The following TMEM178B variants were observed in gnomAD, a reference collection of about 807,000 sequenced individuals.
TMEM178B encodes the protein transmembrane protein 178B.
Under a neutral mutation model 31.0 loss-of-function variants are expected in TMEM178B, and 5 were observed. The observed-to-expected ratio is 0.16, with a 90% CI of 0.08 to 0.34. The LOEUF is 0.34. Among genes scored for constraint, TMEM178B ranks in the 10% least tolerant of loss-of-function variants. The pLI, the probability that TMEM178B is intolerant of heterozygous loss-of-function variation, is 1.00. For synonymous variants in TMEM178B, 164 were observed against 164.0 expected (o/e 1.00, Z 0.00); for missense variants, 275 against 400.3 (o/e 0.69, Z 2.67).
intron 1 of TMEM178B, among the ~76,000 whole-genome samples, chr7:141,163,074 T>G (rs181067061): frequency 5.4e-4 from 83 of 152,344 alleles, no homozygotes; most frequent in South Asian, 1.9e-3. Flanking sequence ...CTCCAGTGTC[T>G]TCAGGGTGCA....
intron 1 of TMEM178B, among the ~76,000 whole-genome samples, chr7:141,148,595 G>T (rs1310091202): frequency 1.3e-5 from 2 of 152,182 alleles, no homozygotes; most frequent in Non-Finnish European, 2.9e-5. Flanking sequence ...GACAAAGATT[G>T]AAAAATGCCT....
At chr7:141,195,845 C>T (rs1016713875) in intron 1 of TMEM178B, among the ~76,000 whole-genome samples, 7 of 152,148 alleles carry the variant, frequency 4.6e-5, no homozygotes, top group South Asian at 4.2e-4. Flanking sequence ...GCACTTCTTA[C>T]GTGGCAGCAG....
At chr7:141,085,176 T>C (rs1007855567) in intron 1 of TMEM178B, among the ~76,000 whole-genome samples, 2 of 97,552 alleles carry the variant, frequency 2.1e-5, no homozygotes, top group Admixed American at 1.2e-4. Flanking sequence ...TTTTTTTTTT[T>C]AGTAGAGATG....
intron 2 of TMEM178B, among the ~76,000 whole-genome samples, chr7:141,248,984 A>T (rs570657334): frequency 5.3e-4 from 80 of 152,276 alleles, no homozygotes; most frequent in Middle Eastern, 3.4e-3. Context: ...GGTCTCTCCT[A>T]TTGTGACTTT....
At chr7:141,349,259 G>A (rs1191113344) in intron 2 of TMEM178B, among the ~76,000 whole-genome samples, 1 of 152,068 alleles carries the variant, frequency 6.6e-6, no homozygotes, top group Non-Finnish European at 1.5e-5. Flanking sequence ...TATTGAGCTT[G>A]CTGGAATGTT....
chr7:141,491,704 G>A, the TMEM178B span, among the ~76,000 whole-genome samples: 1 of 152,192 alleles, frequency 6.6e-6, no homozygotes, highest in African/African-American at 2.4e-5. Context: ...CACATAGGAA[G>A]CGGGGGTCAT....
At chr7:141,359,593 G>A (rs971277998) in intron 2 of TMEM178B, among the ~76,000 whole-genome samples, 1 of 152,166 alleles carries the variant, frequency 6.6e-6, no homozygotes, top group Admixed American at 6.5e-5. Flanking sequence ...TTACAGGCTC[G>A]ATCAGCCATT....
At chr7:141,259,195 A>G (rs1170745055) in intron 2 of TMEM178B, among the ~76,000 whole-genome samples, 2 of 151,988 alleles carry the variant, frequency 1.3e-5, no homozygotes, top group African/African-American at 2.4e-5. Context: ...CCTATCTTCA[A>G]GTTTGCTTAT....
At chr7:141,083,096 A>G (rs1344124542) in intron 1 of TMEM178B, among the ~76,000 whole-genome samples, 1 of 152,088 alleles carries the variant, frequency 6.6e-6, no homozygotes, top group Non-Finnish European at 1.5e-5. Context: ...ATACACAGAC[A>G]CGCACACCTC....
chr7:141,498,651 G>A, the TMEM178B span, among the ~76,000 whole-genome samples: 1 of 152,232 alleles, frequency 6.6e-6, no homozygotes, highest in Non-Finnish European at 1.5e-5. Flanking sequence ...AGGTGACAAA[G>A]TCTGTTCCAC....
chr7:141,242,846 A>T (rs1428122717), intron 2 of TMEM178B, among the ~76,000 whole-genome samples: 1 of 151,780 alleles, frequency 6.6e-6, no homozygotes, highest in Non-Finnish European at 1.5e-5. Context: ...CCAGGCCCCG[A>T]TTCTTTATCT....
At chr7:141,212,993 G>A (rs1272918685) in intron 2 of TMEM178B, among the ~76,000 whole-genome samples, 8 of 152,210 alleles carry the variant, frequency 5.3e-5, no homozygotes, top group African/African-American at 1.9e-4. Context: ...AGGCATGTAA[G>A]ATTTCACCTA....
intron 1 of TMEM178B, among the ~76,000 whole-genome samples, chr7:141,089,361 A>T (rs950132420): frequency 2.0e-5 from 3 of 152,230 alleles, no homozygotes; most frequent in Admixed American, 2.0e-4. Context: ...AGGAAGAATC[A>T]TGAGCAAAGG....
At chr7:141,335,789 G>T (rs944073655) in intron 2 of TMEM178B, among the ~76,000 whole-genome samples, 1 of 152,118 alleles carries the variant, frequency 6.6e-6, no homozygotes, top group African/African-American at 2.4e-5. Flanking sequence ...GATGTTAGAG[G>T]GAAGGCTGGG....
chr7:141,447,444 GATGGGAGCAGA>G, intron 3 of TMEM178B, among the ~76,000 whole-genome samples: 1 of 152,022 alleles, frequency 6.6e-6, no homozygotes, highest in Non-Finnish European at 1.5e-5. Flanking sequence ...GGATGACCGT[GATGGGAGCAGA>G]ATGAGACAGA....
At chr7:141,109,618 C>T (rs1268063595) in intron 1 of TMEM178B, among the ~76,000 whole-genome samples, 2 of 152,120 alleles carry the variant, frequency 1.3e-5, no homozygotes, top group Non-Finnish European at 2.9e-5. Flanking sequence ...TTTCTCCTCA[C>T]CATTAACCCC....
intron 1 of TMEM178B, among the ~76,000 whole-genome samples, chr7:141,091,595 C>T (rs924045250): frequency 1.3e-5 from 2 of 152,146 alleles, no homozygotes; most frequent in Non-Finnish European, 2.9e-5. Context: ...ACCATAATGG[C>T]TTCTTCATAG....
chr7:141,189,942 C>T (rs549210295), intron 1 of TMEM178B, among the ~76,000 whole-genome samples: 3 of 152,290 alleles, frequency 2.0e-5, no homozygotes, highest in Admixed American at 6.5e-5. Flanking sequence ...GCCATCCCCA[C>T]ATCATCCTGG....
intron 1 of TMEM178B, among the ~76,000 whole-genome samples, chr7:141,152,213 G>A (rs897280350): frequency 1.3e-5 from 2 of 152,200 alleles, no homozygotes; most frequent in African/African-American, 4.8e-5. Context: ...ACACTAGGAG[G>A]CTGGGAAAGA....
Sources: allele counts gnomAD v4.1 joint callset (sites outside exome capture counted in the v4.1 genomes callset), GRCh38; gene constraint gnomAD v4.1.1; transcripts MANE v1.5; gene names NCBI Gene and HGNC (gene_info 2026-07-23, HGNC 2026-07-21).